Variants in EGFLAM observed in about 807,000 individuals in gnomAD.
The protein encoded by EGFLAM is pikachurin.
Under a neutral mutation model 113.1 loss-of-function variants are expected in EGFLAM, and 79 were observed. The observed-to-expected ratio is 0.70, with a 90% confidence interval of 0.58 to 0.84. EGFLAM has a LOEUF of 0.84. Ranked by LOEUF, EGFLAM falls within the 40% of genes least tolerant of loss-of-function variation. The pLI, the probability that EGFLAM is intolerant of heterozygous loss-of-function variation, is 0.00. For synonymous variants in EGFLAM, 504 were observed against 487.6 expected, an observed-to-expected ratio of 1.03 and a Z score of -0.44; for missense variants, 1,265 against 1,291.6, an observed-to-expected ratio of 0.98 and a Z score of 0.32.
intron 1 of EGFLAM, among the ~76,000 whole-genome samples, chr5:38,324,030 A>G (rs1738808482): frequency 7.3e-6 from 1 of 136,122 alleles, no homozygotes; most frequent in African/African-American, 2.9e-5. Flanking sequence ...ACAGAATGAA[A>G]CTCCATCTCA....
At chr5:38,432,230 T>C (rs911457855) in intron 15 of EGFLAM, among the ~76,000 whole-genome samples, 1 of 151,962 alleles carries the variant, frequency 6.6e-6, no homozygotes, top group Non-Finnish European at 1.5e-5. Flanking sequence ...GGTATATTAA[T>C]AAGCAAATAG....
chr5:38,464,047 G>T lies in EGFLAM; in HGVS notation c.*61G>T. 3.7e-6 allele frequency: 6 copies of T among 1,604,838 alleles called. No individual in the cohort carries two copies. Among genetic ancestry groups the T allele is most frequent in the Non-Finnish European group, 5.1e-6 (6 of 1,174,332 alleles). ...ATTCTGAGAATCCCAGGGGCCCTCA[G>T]ACCCTGCCTGATGCTATATGCAGAG... On this transcript the variant is annotated 3_prime_UTR_variant, in exon 22 of 22. Transcript: ENST00000322350.
At chr5:38,413,359 C>A (rs1741545687) in intron 11 of EGFLAM, among the ~76,000 whole-genome samples, 1 of 151,882 alleles carries the variant, frequency 6.6e-6, no homozygotes, top group African/African-American at 2.4e-5. Context: ...AAACACAAAG[C>A]TTGCTTTTAG....
intron 1 of EGFLAM, among the ~76,000 whole-genome samples, chr5:38,321,758 T>C (rs1474976134): frequency 6.6e-6 from 1 of 152,070 alleles, no homozygotes; most frequent in Non-Finnish European, 1.5e-5. Flanking sequence ...TGAGATCCAT[T>C]TACAACCCAG....
chr5:38,462,817 CT>C lies in EGFLAM; in HGVS notation c.2772-88del. 3.6e-6 allele frequency: 5 copies of C among 1,396,788 alleles called. No individual in the cohort carries two copies. The South Asian group carries it at 6.1e-5, about 17-fold the overall frequency. The allele number at this position is 1,396,788 out of a possible 1,614,324, so 86.5% of individuals were successfully genotyped here. A position where few individuals can be genotyped will look rare whatever the true frequency, so the allele number is the denominator to read the frequency against. On this transcript the variant is annotated intron_variant, in intron 20 of 21. Transcript: ENST00000322350. ...CACAGTACCTGGCACATAGTGTGTC[CT>C]TTAATACATTTGTATTGAAATGAAT...
rs188879930 is a variant in EGFLAM at position 38,313,202 on chromosome 5, T to A, written c.98-24318T>A. On this transcript the variant is annotated intron_variant, in intron 1 of 21. Transcript: ENST00000322350. ...TTTTCTGATTTTTTTATCTCATGAT[T>A]TTGCTCTGCATAATTTTTTTAGCTC... Among the ~76,000 whole-genome samples, 568 of 152,358 alleles carry A rather than the reference T, an allele frequency of 3.7e-3. 2 individuals carry two copies. Among genetic ancestry groups the A allele is most frequent in the African/African-American group, 0.013 (531 of 41,590 alleles).
chr5:38,462,790 A>G, intron 20 of EGFLAM, 118 bp from the exon 21 acceptor site: 1 of 1,140,690 alleles, frequency 8.8e-7, no homozygotes, highest in Non-Finnish European at 1.3e-6. Flanking sequence ...CCCATCATTT[A>G]GCACAGTACC....
At chr5:38,456,957 C>T (rs1014491738) in intron 19 of EGFLAM, among the ~76,000 whole-genome samples, 7 of 152,100 alleles carry the variant, frequency 4.6e-5, no homozygotes, top group Non-Finnish European at 1.0e-4. Context: ...AAATATTTGT[C>T]GAATTAAATT....
chr5:38,340,126 C>T (rs1157014103), intron 3 of EGFLAM, among the ~76,000 whole-genome samples: 1 of 152,164 alleles, frequency 6.6e-6, no homozygotes, highest in Non-Finnish European at 1.5e-5. Flanking sequence ...TCCTGCCCAT[C>T]ACAGAACCTG....
chr5:38,389,647 GT>G (rs1234975389), intron 6 of EGFLAM, among the ~76,000 whole-genome samples: 1 of 152,004 alleles, frequency 6.6e-6, no homozygotes, highest in African/African-American at 2.4e-5. Context: ...TGTTATGGCT[GT>G]TTTTTGTTTC....
intron 13 of EGFLAM, among the ~76,000 whole-genome samples, 178 bp from the exon 14 acceptor site, chr5:38,426,831 A>G (rs934696854): frequency 4.6e-5 from 7 of 152,100 alleles, no homozygotes; most frequent in African/African-American, 1.4e-4. Context: ...AGGGTGCTCT[A>G]TGATTCTTCC....
At position 38,328,723 on chromosome 5, in the gene EGFLAM, G is replaced by GT. The variant is rs3077265; in HGVS notation, c.98-8776dup. 3.4e-3 allele frequency among the ~76,000 whole-genome samples: 346 copies of GT among 102,972 alleles called. 5 individuals carry two copies. The highest frequency in any genetic ancestry group is 9.6e-3 in the African/African-American group (265 of 27,550). 67.6% of individuals were successfully genotyped at this position (102,972 alleles called of 152,430 possible). On this transcript the variant is annotated intron_variant, in intron 1 of 21. Coordinates refer to ENST00000322350, the MANE Select transcript of EGFLAM (RefSeq NM_152403.4). ...CCATGTGTGTTTACTAGCTATACTT[G>GT]TTTTTTTTTTTTTTTTTTTTTGCAA... is the stretch of plus-strand genomic sequence containing the variant.
intron 16 of EGFLAM, among the ~76,000 whole-genome samples, chr5:38,435,856 C>T (rs913961609): frequency 9.5e-5 from 12 of 125,994 alleles, no homozygotes; most frequent in Non-Finnish European, 1.4e-4. Flanking sequence ...CTCGCTCTGT[C>T]GCCCAGGCTG....
chr5:38,275,513 C>T (rs1048074013), intron 1 of EGFLAM, among the ~76,000 whole-genome samples: 13 of 151,994 alleles, frequency 8.6e-5, no homozygotes, highest in Non-Finnish European at 1.6e-4. Context: ...GTTCAGCAAG[C>T]GGATATAACA....
intron 1 of EGFLAM, 132 bp from the exon 2 acceptor site, chr5:38,337,388 T>G: frequency 2.3e-6 from 2 of 871,034 alleles, no homozygotes; most frequent in Non-Finnish European, 3.5e-6. Flanking sequence ...GTATCAGAAA[T>G]TGACTGCATT....
At chr5:38,407,978 G>T in intron 9 of EGFLAM, 73 bp downstream of exon 9, 2 of 1,249,666 alleles carry the variant, frequency 1.6e-6, no homozygotes, top group Non-Finnish European at 2.3e-6. Context: ...TTCAAAGGCT[G>T]GGGGAGAGGA....
chr5:38,352,876 C>T (rs566937709), intron 5 of EGFLAM, among the ~76,000 whole-genome samples: 2 of 152,214 alleles, frequency 1.3e-5, no homozygotes, highest in Non-Finnish European at 2.9e-5. Flanking sequence ...CTGGCACAAT[C>T]AGAGACTATT....
At chr5:38,269,440 G>T (rs1197177638) in intron 1 of EGFLAM, among the ~76,000 whole-genome samples, 2 of 151,568 alleles carry the variant, frequency 1.3e-5, no homozygotes, top group East Asian at 3.9e-4. Flanking sequence ...GATGCTGTGG[G>T]CTGATCTCAA....
chr5:38,453,831 A>G (rs893426605), intron 19 of EGFLAM, among the ~76,000 whole-genome samples: 2 of 152,026 alleles, frequency 1.3e-5, no homozygotes, highest in Non-Finnish European at 2.9e-5. Context: ...GAATCTATTC[A>G]CCACCCATTC....
Sources: gnomAD v4.1 joint callset for allele counts (sites outside exome capture counted in the v4.1 genomes callset) on GRCh38, gnomAD v4.1.1 for gene constraint, MANE v1.5 for transcripts, NCBI Gene and HGNC (gene_info 2026-07-23, HGNC 2026-07-21) for gene names.